FOXP1: variants seen among roughly 807,000 people sequenced by gnomAD.
FOXP1 encodes forkhead box protein P1.
A neutral mutation model predicts 98.2 loss-of-function variants in FOXP1; 15 were observed. That is an observed-to-expected ratio of 0.15 (90% CI 0.10 to 0.24). FOXP1 has a LOEUF of 0.24. Among genes scored for constraint, FOXP1 ranks in the 10% least tolerant of loss-of-function variants. The probability of loss-of-function intolerance (pLI) is 1.00; values close to 1 mark genes in which losing one functional copy is unlikely to be tolerated. For missense variants in FOXP1, 633 were observed against 848.5 expected (o/e 0.75, Z 3.15); for synonymous variants, 371 against 314.5 (o/e 1.18, Z -1.90).
chr3:71,558,735 C>T (rs530197323), intron 2 of FOXP1, among the ~76,000 whole-genome samples: 7 of 151,218 alleles, frequency 4.6e-5, no homozygotes, highest in African/African-American at 7.3e-5. Context: ...CCTCATGATC[C>T]GCCCGCCTCG....
At chr3:71,364,335 G>C (rs2078767730) in intron 3 of FOXP1, among the ~76,000 whole-genome samples, 1 of 152,124 alleles carries the variant, frequency 6.6e-6, no homozygotes, top group Admixed American at 6.5e-5. Context: ...AAAAGGAAAG[G>C]GAACCAACAG....
At position 71,397,051 on chromosome 3, in the gene FOXP1, C is replaced by CAT. The variant is rs1339187377; in HGVS notation, c.-167-37809_-167-37808dup. Among the ~76,000 whole-genome samples, 69 of 36,856 alleles carry CAT rather than the reference C, an allele frequency of 1.9e-3. 12 individuals are homozygous for CAT. Among genetic ancestry groups the CAT allele is most frequent in the South Asian group, 5.7e-3 (10 of 1,744 alleles). 24.2% of individuals were successfully genotyped at this position (36,856 alleles called of 152,430 possible). A position where few individuals can be genotyped will look rare whatever the true frequency, so the allele number is the denominator to read the frequency against. ...ATATATATGTGTATATATATATACA[C>CAT]ATATATATGTGTATATATATATACA... On this transcript the variant is annotated intron_variant, in intron 3 of 20. Transcript: ENST00000649528.
intron 13 of FOXP1, among the ~76,000 whole-genome samples, chr3:70,991,513 G>A (rs1016045491): frequency 9.9e-5 from 15 of 152,126 alleles, no homozygotes; most frequent in East Asian, 3.8e-4. Flanking sequence ...AAGGGAACAC[G>A]GTTTGGGGTT....
At chr3:71,157,506 T>C (rs914012984) in intron 6 of FOXP1, among the ~76,000 whole-genome samples, 1 of 152,128 alleles carries the variant, frequency 6.6e-6, no homozygotes, top group African/African-American at 2.4e-5. Flanking sequence ...AATCTGAATA[T>C]GGTTGTAAAG....
chr3:71,235,824 C>T (rs964362611), intron 5 of FOXP1, among the ~76,000 whole-genome samples: 9 of 152,160 alleles, frequency 5.9e-5, no homozygotes, highest in African/African-American at 1.9e-4. Context: ...CCTCGGTCTC[C>T]CAAAGTGCTG....
intron 7 of FOXP1, among the ~76,000 whole-genome samples, chr3:71,087,214 A>G (rs1261939438): frequency 2.0e-5 from 3 of 152,196 alleles, no homozygotes; most frequent in African/African-American, 7.2e-5. Flanking sequence ...GATGAGATCA[A>G]AAGACCAAGG....
intron 14 of FOXP1, 52 bp downstream of exon 14, chr3:70,987,942 A>G (rs1047214535): frequency 1.9e-6 from 3 of 1,553,898 alleles, no homozygotes; most frequent in East Asian, 2.2e-5. Context: ...GGAAGTAGAA[A>G]AGGAATACTG....
At chr3:71,069,829 C>A (rs1053924703) in intron 7 of FOXP1, among the ~76,000 whole-genome samples, 2 of 152,136 alleles carry the variant, frequency 1.3e-5, no homozygotes, top group African/African-American at 4.8e-5. Context: ...ATGTAGAAAT[C>A]GCTGAATATC....
intron 11 of FOXP1, among the ~76,000 whole-genome samples, chr3:71,040,119 G>GTGTGTGTGTGTGTATC (rs768005193): frequency 4.3e-4 from 64 of 148,858 alleles, no homozygotes; most frequent in African/African-American, 1.5e-3. Flanking sequence ...ATGTATCTCT[G>GTGTGTGTGTGTGTATC]TGTGTGTGTG....
At chr3:71,157,049 G>A (rs2060859476) in intron 6 of FOXP1, among the ~76,000 whole-genome samples, 1 of 152,248 alleles carries the variant, frequency 6.6e-6, no homozygotes, top group Non-Finnish European at 1.5e-5. Flanking sequence ...GCACAAGAGA[G>A]TGGAGGAGCA....
chr3:71,173,350 G>C (rs1440346264), intron 6 of FOXP1, among the ~76,000 whole-genome samples: 1 of 150,080 alleles, frequency 6.7e-6, no homozygotes, highest in East Asian at 2.0e-4. Flanking sequence ...TCTAGAATGG[G>C]AACTGCCTCA....
At chr3:71,314,126 A>C (rs937318656) in intron 4 of FOXP1, among the ~76,000 whole-genome samples, 3 of 152,238 alleles carry the variant, frequency 2.0e-5, no homozygotes, top group Admixed American at 1.3e-4. Flanking sequence ...TATGGCACAA[A>C]GTGAATGCTC....
intron 1 of FOXP1, among the ~76,000 whole-genome samples, chr3:71,583,153 TTC>T (rs1388811936): frequency 1.3e-5 from 2 of 151,950 alleles, no homozygotes; most frequent in Admixed American, 6.6e-5. Context: ...GCTTATTGAT[TTC>T]TCTCCCCTAG....
At chr3:71,395,484 A>G (rs2081317855) in intron 3 of FOXP1, among the ~76,000 whole-genome samples, 1 of 151,556 alleles carries the variant, frequency 6.6e-6, no homozygotes, top group African/African-American at 2.4e-5. Context: ...CTTGCCATTC[A>G]GACCTCAGCT....
chr3:70,977,903 T>C lies in FOXP1; in HGVS notation c.1273A>G (p.Thr425Ala), dbSNP rs1305946072. ...CCCACCGTGTGCATGCTGGTGGTTG[T>C]GATGACAGAGGGGCCTTGGGTGACG... Reference protein sequence around the residue: ...TPVTQGPSVITTTSMHTVGPI... With the variant: ...TPVTQGPSVIATTSMHTVGPI... The change falls in exon 15 of 21, where the codon ACA becomes GCA. Residue 425 changes from threonine (T) to alanine (A), a missense_variant. Thr to Ala is a moderately conservative substitution (Grantham distance 58). This residue lies in a region of FOXP1 where 141 missense variants were observed against 199.5 expected (regional missense o/e 0.71). Coordinates refer to ENST00000649528, the MANE Select transcript of FOXP1 (RefSeq NM_001349338.3). The C allele has an allele frequency of 6.2e-7, 1 of 1,613,920 alleles. No individual in the cohort carries two copies. The highest frequency in any genetic ancestry group is 8.5e-7 in the Non-Finnish European group (1 of 1,180,024).
intron 14 of FOXP1, among the ~76,000 whole-genome samples, chr3:70,979,792 A>T (rs2038479073): frequency 6.6e-6 from 1 of 151,756 alleles, no homozygotes; most frequent in Non-Finnish European, 1.5e-5. Flanking sequence ...AAAAAAAAAA[A>T]AGGGAGGGGG....
At chr3:71,226,277 T>A (rs1457670855) in intron 5 of FOXP1, among the ~76,000 whole-genome samples, 2 of 152,180 alleles carry the variant, frequency 1.3e-5, no homozygotes, top group Admixed American at 1.3e-4. Flanking sequence ...AGGTCTGAAA[T>A]GGTAACAATC....
At chr3:70,966,960 A>T (rs899488167) in intron 19 of FOXP1, among the ~76,000 whole-genome samples, 3 of 152,094 alleles carry the variant, frequency 2.0e-5, no homozygotes, top group African/African-American at 4.8e-5. Context: ...AAGGTACCCA[A>T]AAATTTGTTT....
intron 6 of FOXP1, among the ~76,000 whole-genome samples, chr3:71,190,860 G>A (rs141842683): frequency 8.5e-5 from 13 of 152,100 alleles, no homozygotes; most frequent in African/African-American, 3.1e-4. Flanking sequence ...ACAGTATTTA[G>A]CAAAGGGTCT....
Sources: allele counts gnomAD v4.1 joint callset (sites outside exome capture counted in the v4.1 genomes callset), GRCh38; gene constraint gnomAD v4.1.1; regional missense constraint gnomAD v4.1.1; transcripts MANE v1.5; gene names NCBI Gene and HGNC (gene_info 2026-07-23, HGNC 2026-07-21).